The following HACL1 variants were observed in gnomAD, a reference collection of about 807,000 sequenced individuals.
HACL1 encodes the protein 1600020H07Rik.
HACL1 carries 64 observed loss-of-function variants against 74.2 expected under a neutral mutation model. The observed-to-expected ratio is 0.86, with a 90% CI of 0.70 to 1.06. The LOEUF (loss-of-function observed/expected upper bound fraction) is 1.06. Ranked by LOEUF, HACL1 falls within the 50% of genes least tolerant of loss-of-function variation. The probability of loss-of-function intolerance (pLI) is 0.00; values close to 1 mark genes in which losing one functional copy is unlikely to be tolerated. For synonymous variants in HACL1, 230 were observed against 238.8 expected, an observed-to-expected ratio of 0.96 and a Z score of 0.34; for missense variants, 728 against 719.7, an observed-to-expected ratio of 1.01 and a Z score of -0.13.
intron 3 of HACL1, among the ~76,000 whole-genome samples, chr3:15,595,440 T>C (rs2064038473): frequency 6.6e-6 from 1 of 151,590 alleles, no homozygotes; most frequent in South Asian, 2.1e-4. Flanking sequence ...TTTTTGGAAA[T>C]AAAAAAATGT....
intron 3 of HACL1, among the ~76,000 whole-genome samples, chr3:15,593,216 T>C (rs1039855883): frequency 2.3e-5 from 3 of 132,550 alleles, no homozygotes; most frequent in Non-Finnish European, 4.5e-5. Context: ...TGTATATATA[T>C]ACACACTTTT....
At position 15,582,811 on chromosome 3, in the gene HACL1, G is replaced by C. The variant is rs1037808164; in HGVS notation, c.667+66C>G. Reference sequence around the variant, plus strand: ...ATTAGAATAGACATTAATAAACAATGAAAGTTTGTAAAAAGAATTGGCACT... The same window carrying C: ...ATTAGAATAGACATTAATAAACAATCAAAGTTTGTAAAAAGAATTGGCACT... On this transcript the variant is annotated intron_variant, in intron 8 of 16. Transcript: ENST00000321169. The C allele has an allele frequency of 1.3e-5, 10 of 762,402 alleles. No homozygotes were observed. The South Asian group carries it at 1.5e-4, about 12-fold the overall frequency. The allele number at this position is 762,402 out of a possible 1,614,324, so 47.2% of individuals were successfully genotyped here.
rs1559561148 is a variant in HACL1, at chr3:15,592,201, T to TATATATGTATACATACGTATATACGC, written c.228-522_228-521insGCGTATATACGTATGTATACATATAT. On this transcript the variant is annotated intron_variant, in intron 3 of 16. Transcript: ENST00000321169. Reference sequence around the variant, plus strand: ...ATATATGTATACATACGTATATATGTATACATGCGTGTATATATGTATACA... The same window carrying TATATATGTATACATACGTATATACGC: ...ATATATGTATACATACGTATATATGTATATATGTATACATACGTATATACGCATACATGCGTGTATATATGTATACA... Among the ~76,000 whole-genome samples, 4 of 150,428 alleles carry TATATATGTATACATACGTATATACGC rather than the reference T, an allele frequency of 2.7e-5. No individual in the cohort carries two copies. In the East Asian group the frequency reaches 5.8e-4, roughly 22 times the overall value.
chr3:15,601,215 G>T lies in HACL1; in HGVS notation c.82-21C>A, dbSNP rs2125308100. ...ACATCCTGAGGAACGAAGAACAGGG[G>T]AGTAAACTCCCAAGGCCCCACCATA... On this transcript the variant is annotated intron_variant, in intron 1 of 16. Coordinates refer to ENST00000321169, the MANE Select transcript of HACL1 (RefSeq NM_012260.4). 8 of 1,585,594 alleles carry T rather than the reference G, an allele frequency of 5.0e-6. No homozygotes were observed. The East Asian group carries it at 1.3e-4, about 27-fold the overall frequency.
intron 16 of HACL1, among the ~76,000 whole-genome samples, chr3:15,561,564 T>C (rs1462149927): frequency 6.6e-6 from 1 of 152,114 alleles, no homozygotes; most frequent in Non-Finnish European, 1.5e-5. Flanking sequence ...CCAAACAAAA[T>C]TCATAGAGAA....
At chr3:15,586,412 T>G (rs1241444712) in intron 6 of HACL1, 113 bp downstream of exon 6, 1 of 612,112 alleles carries the variant, frequency 1.6e-6, no homozygotes, top group African/African-American at 1.9e-5. Context: ...CATTTTTAAC[T>G]GCCTGGGTAT....
chr3:15,590,040 A>G (rs2063862265), intron 4 of HACL1, among the ~76,000 whole-genome samples: 1 of 152,108 alleles, frequency 6.6e-6, no homozygotes, highest in South Asian at 2.1e-4. Context: ...GTCTCAAAAA[A>G]AAAGAAAGAA....
Position 15,560,912 on chromosome 3 carries a change from C to T in HACL1, c.1705-15G>A, listed in dbSNP as rs2063335615. On this transcript the variant is annotated splice_polypyrimidine_tract_variant and intron_variant, in intron 16 of 16. Transcript: ENST00000321169. ...CAATGAAAATCCTAGAAAAAGAAGA[C>T]AACAAACATTCAGTCAAAAGAAATG... is the stretch of plus-strand genomic sequence containing the variant. The T allele has an allele frequency of 1.3e-6, 2 of 1,586,406 alleles. No individual in the cohort carries two copies. The highest frequency in any genetic ancestry group is 2.7e-5 in the African/African-American group (2 of 74,410).
chr3:15,589,915 A>T (rs552680889), intron 4 of HACL1, among the ~76,000 whole-genome samples: 7 of 151,738 alleles, frequency 4.6e-5, no homozygotes, highest in Non-Finnish European at 8.8e-5. Context: ...GGCGCCTGTA[A>T]TCCCAGCTAC....
At chr3:15,589,928 G>A (rs940725296) in intron 4 of HACL1, among the ~76,000 whole-genome samples, 1 of 152,060 alleles carries the variant, frequency 6.6e-6, no homozygotes, top group African/African-American at 2.4e-5. Context: ...CCAGCTACTT[G>A]GGAGGCTGAG....
intron 3 of HACL1, among the ~76,000 whole-genome samples, chr3:15,594,585 C>T (rs1216050413): frequency 2.0e-5 from 3 of 152,158 alleles, no homozygotes; most frequent in African/African-American, 4.8e-5. Flanking sequence ...GTAAACTAAA[C>T]TTCTAGAACA....
chr3:15,584,317 C>T (rs145190388), intron 7 of HACL1, among the ~76,000 whole-genome samples: 15 of 152,192 alleles, frequency 9.9e-5, no homozygotes, highest in South Asian at 2.1e-4. Flanking sequence ...TGGCTGGGCA[C>T]GGTGGCTCAT....
chr3:15,567,819 G>C, intron 14 of HACL1, 25 bp downstream of exon 14: 1 of 1,589,324 alleles, frequency 6.3e-7, no homozygotes, highest in Non-Finnish European at 8.6e-7. Flanking sequence ...AGAATCAAAT[G>C]CTCTGATTCA....
chr3:15,591,612 T>C lies in HACL1; in HGVS notation c.296A>G (p.Asn99Ser). 3 of 1,599,612 alleles carry C rather than the reference T, an allele frequency of 1.9e-6. No individual in the cohort carries two copies. The highest frequency in any genetic ancestry group is 1.7e-6 in the Non-Finnish European group (2 of 1,166,996). Residue 99 changes from asparagine (N) to serine (S), a missense_variant, in exon 4 of 17, where the codon AAC becomes AGC. Asn to Ser is a conservative substitution (Grantham distance 46, BLOSUM62 1). Coordinates refer to ENST00000321169, the MANE Select transcript of HACL1 (RefSeq NM_012260.4). ...ATAATGTCATTACCAGCAGTTCATG[T>C]TTGCATTTGCCATACCGCCCAAGGC... ...IHALGGMANANMNCWPLLVIG... is the reference protein window; with the variant it reads ...IHALGGMANASMNCWPLLVIG...
At chr3:15,566,880 G>A (rs1253917287) in intron 14 of HACL1, among the ~76,000 whole-genome samples, 1 of 145,396 alleles carries the variant, frequency 6.9e-6, no homozygotes, top group Admixed American at 7.0e-5. Flanking sequence ...GTGCAGTGGT[G>A]CGATCTTGGC....
intron 3 of HACL1, among the ~76,000 whole-genome samples, chr3:15,592,079 C>CATACGT (rs2063918116): frequency 2.5e-5 from 2 of 81,136 alleles, no homozygotes; most frequent in African/African-American, 4.7e-5. Context: ...TATACGTATA[C>CATACGT]GTATATATAC....
At position 15,592,253 on chromosome 3, in the gene HACL1, T is replaced by G. The variant is rs551302722; in HGVS notation, c.228-573A>C. On this transcript the variant is annotated intron_variant, in intron 3 of 16. Transcript: ENST00000321169. ...ACGTATATACGTATACATACGTGTA[T>G]ATATGGATCCATATATACGTATACA... is the stretch of plus-strand genomic sequence containing the variant. Among the ~76,000 whole-genome samples, 112 of 150,640 alleles carry G rather than the reference T, an allele frequency of 7.4e-4. 3 individuals are homozygous for G. Among genetic ancestry groups the G allele is most frequent in the African/African-American group, 2.6e-3 (108 of 41,146 alleles).
intron 13 of HACL1, 80 bp downstream of exon 13, chr3:15,568,352 C>G (rs760337033): frequency 1.2e-4 from 105 of 864,804 alleles, no homozygotes; most frequent in Middle Eastern, 9.1e-4. Flanking sequence ...TCTCAAACGT[C>G]TTCTTAATCT....
chr3:15,568,642 A>G (rs923611970), intron 12 of HACL1, 56 bp from the exon 13 acceptor site: 5 of 963,770 alleles, frequency 5.2e-6, no homozygotes, highest in South Asian at 1.6e-5. Context: ...GAAAATAACC[A>G]ATGTTAATAA....
Sources: gnomAD v4.1 joint callset for allele counts (sites outside exome capture counted in the v4.1 genomes callset) on GRCh38, gnomAD v4.1.1 for gene constraint, MANE v1.5 for transcripts, NCBI Gene and HGNC (gene_info 2026-07-23, HGNC 2026-07-21) for gene names.